The following MAGI2 variants were observed in gnomAD, a reference collection of about 807,000 sequenced individuals.
MAGI2 encodes the protein membrane associated guanylate kinase, WW and PDZ domain containing 2, also known as membrane-associated guanylate kinase, WW and PDZ domain-containing protein 2.
A neutral mutation model predicts 133.3 loss-of-function variants in MAGI2; 35 were observed. That is an observed-to-expected ratio of 0.26 (90% CI 0.20 to 0.35). The LOEUF is 0.35. Among genes scored for constraint, MAGI2 ranks in the 10% least tolerant of loss-of-function variants. MAGI2 has a pLI of 1.00. For synonymous variants in MAGI2, 729 were observed against 710.6 expected (o/e 1.03, Z -0.41); for missense variants, 1,636 against 1,863.4 (o/e 0.88, Z 2.25).
intron 1 of MAGI2, among the ~76,000 whole-genome samples, chr7:79,294,328 G>GA (rs1186457037): frequency 6.6e-6 from 1 of 151,688 alleles, no homozygotes; most frequent in Admixed American, 6.6e-5. Flanking sequence ...AGAAGGGTGC[G>GA]AAAAATAGAA....
chr7:78,622,447 T>C (rs565467043), intron 3 of MAGI2, among the ~76,000 whole-genome samples: 1 of 152,134 alleles, frequency 6.6e-6, no homozygotes, highest in Non-Finnish European at 1.5e-5. Flanking sequence ...GTAATTTAAA[T>C]AAATGAGACT....
intron 10 of MAGI2, among the ~76,000 whole-genome samples, chr7:78,237,215 C>T (rs893953855): frequency 6.6e-6 from 1 of 152,108 alleles, no homozygotes; most frequent in African/African-American, 2.4e-5. Context: ...TTAAATAAAA[C>T]AAATAGATAT....
intron 6 of MAGI2, among the ~76,000 whole-genome samples, chr7:78,453,656 C>T (rs1178317760): frequency 6.6e-6 from 1 of 152,170 alleles, no homozygotes; most frequent in Non-Finnish European, 1.5e-5. Flanking sequence ...GTGGCCAGTG[C>T]AATGCTGAAC....
At position 78,843,590 on chromosome 7, in the gene MAGI2, T is replaced by C. The variant is rs896573440; in HGVS notation, c.418+163500A>G. Among the ~76,000 whole-genome samples the C allele has an allele frequency of 2.0e-5, 3 of 152,094 alleles. No individual in the cohort carries two copies. In the East Asian group the frequency reaches 5.8e-4, roughly 29 times the overall value. The stretch of plus-strand genomic sequence containing the variant: ...AAAATATTTGGCTTGTCTGCATATG[T>C]TATTTATAAAATTGGGAAAATGCTA... On this transcript the variant is annotated intron_variant, in intron 2 of 21. Coordinates refer to ENST00000354212, the MANE Select transcript of MAGI2 (RefSeq NM_012301.4).
chr7:78,606,650 A>G (rs1805846104), intron 3 of MAGI2, among the ~76,000 whole-genome samples: 1 of 151,982 alleles, frequency 6.6e-6, no homozygotes, highest in African/African-American at 2.4e-5. Flanking sequence ...TCTCTTTTAC[A>G]TATGGCTTCA....
chr7:78,445,028 T>C (rs978204594), intron 6 of MAGI2, among the ~76,000 whole-genome samples: 2 of 151,686 alleles, frequency 1.3e-5, no homozygotes, highest in African/African-American at 4.8e-5. Context: ...TGGCTCTATC[T>C]GGGCAGGGGG....
chr7:78,571,302 G>C (rs1801473237), intron 3 of MAGI2, among the ~76,000 whole-genome samples: 1 of 152,112 alleles, frequency 6.6e-6, no homozygotes, highest in East Asian at 1.9e-4. Context: ...CTAGGGAATG[G>C]GGCCTCTTTG....
At chr7:78,760,466 G>A (rs1399255151) in intron 2 of MAGI2, among the ~76,000 whole-genome samples, 4 of 150,718 alleles carry the variant, frequency 2.7e-5, no homozygotes, top group African/African-American at 4.9e-5. Flanking sequence ...GGGTTCGAGC[G>A]ATTCTCCTGC....
intron 4 of MAGI2, among the ~76,000 whole-genome samples, chr7:78,515,394 T>A (rs2150569359): frequency 6.6e-6 from 1 of 152,182 alleles, no homozygotes; most frequent in Non-Finnish European, 1.5e-5. Flanking sequence ...GAATATAGGA[T>A]CAGGGATATA....
chr7:79,019,652 C>G (rs1809091147), intron 1 of MAGI2, among the ~76,000 whole-genome samples: 1 of 151,942 alleles, frequency 6.6e-6, no homozygotes, highest in African/African-American at 2.4e-5. Context: ...TCAAACAATT[C>G]TCCTGCCTCA....
At chr7:78,134,077 C>G (rs1821845950) in intron 17 of MAGI2, 2 of 152,198 alleles carry the variant, frequency 1.3e-5, no homozygotes, top group Admixed American at 1.3e-4. Flanking sequence ...CCTCCACCCC[C>G]TAGATGCCAG....
At chr7:78,718,527 T>C (rs1819943942) in intron 2 of MAGI2, among the ~76,000 whole-genome samples, 1 of 151,926 alleles carries the variant, frequency 6.6e-6, no homozygotes, top group South Asian at 2.1e-4. Context: ...AACCCTATCT[T>C]GAACAGTGAA....
At chr7:78,554,564 T>C (rs1352397181) in intron 3 of MAGI2, 1 of 152,230 alleles carries the variant, frequency 6.6e-6, no homozygotes, top group Non-Finnish European at 1.5e-5. Flanking sequence ...AGGTCACTCT[T>C]ACCTTCTTCT....
intron 3 of MAGI2, among the ~76,000 whole-genome samples, chr7:78,556,652 C>T (rs748460945): frequency 1.3e-5 from 2 of 152,134 alleles, no homozygotes; most frequent in African/African-American, 4.8e-5. Context: ...GAACAAGCAA[C>T]CGTTTTGCTC....
chr7:78,380,649 G>C (rs1226469559), intron 6 of MAGI2, among the ~76,000 whole-genome samples: 1 of 152,064 alleles, frequency 6.6e-6, no homozygotes, highest in Non-Finnish European at 1.5e-5. Flanking sequence ...AATATAGTTA[G>C]ATAGAATGAA....
chr7:78,614,484 C>G (rs978968075), intron 3 of MAGI2: 4 of 152,048 alleles, frequency 2.6e-5, no homozygotes, highest in African/African-American at 9.7e-5. Context: ...ATGCCACATA[C>G]AAGATTTCTG....
chr7:78,666,197 A>T (rs916760720), intron 2 of MAGI2, among the ~76,000 whole-genome samples: 2 of 152,172 alleles, frequency 1.3e-5, no homozygotes, highest in African/African-American at 4.8e-5. Flanking sequence ...GACGACTTTA[A>T]AACTGCTGAG....
chr7:79,158,600 C>T (rs185910212), intron 1 of MAGI2, among the ~76,000 whole-genome samples: 3 of 152,060 alleles, frequency 2.0e-5, no homozygotes, highest in Admixed American at 6.6e-5. Context: ...TCTTAGCTTT[C>T]GTATGCTTAT....
intron 1 of MAGI2, among the ~76,000 whole-genome samples, chr7:79,283,848 C>T (rs1042075923): frequency 6.6e-6 from 1 of 152,064 alleles, no homozygotes; most frequent in Non-Finnish European, 1.5e-5. Context: ...AATCAATTTT[C>T]AGTCAACAAT....
Sources: allele counts gnomAD v4.1 joint callset (sites outside exome capture counted in the v4.1 genomes callset), GRCh38; gene constraint gnomAD v4.1.1; transcripts MANE v1.5; gene names NCBI Gene and HGNC (gene_info 2026-07-23, HGNC 2026-07-21).